Variants in CTNND1 observed in about 807,000 individuals in gnomAD.
CTNND1 encodes the protein catenin delta 1, also known as catenin delta-1.
In CTNND1, 16 loss-of-function variants were observed where a neutral mutation model predicts 112.1. The observed-to-expected ratio is 0.14, with a 90% CI of 0.10 to 0.22. CTNND1 has a LOEUF of 0.22. Ranked by LOEUF, CTNND1 falls within the 10% of genes least tolerant of loss-of-function variation. The pLI is 1.00. For missense variants in CTNND1, 1,008 were observed against 1,257.0 expected (o/e 0.80, Z 3.00); for synonymous variants, 420 against 446.5 (o/e 0.94, Z 0.75).
At chr11:57,811,376 G>T in intron 16 of CTNND1, 23 bp from the exon 17 acceptor site, 2 of 1,581,416 alleles carry the variant, frequency 1.3e-6, no homozygotes, top group Non-Finnish European at 1.7e-6. Flanking sequence ...CTGTCACATT[G>T]TCGCATTTGT....
At chr11:57,807,104 T>G in intron 12 of CTNND1, 121 bp downstream of exon 12, 2 of 812,414 alleles carry the variant, frequency 2.5e-6, no homozygotes, top group South Asian at 1.7e-5. Context: ...AACTTACAGA[T>G]TTGAAATGAT....
intron 4 of CTNND1, among the ~76,000 whole-genome samples, chr11:57,795,043 A>G (rs978508741): frequency 4.0e-5 from 6 of 151,696 alleles, no homozygotes; most frequent in Non-Finnish European, 7.4e-5. Context: ...AAAAAAATAA[A>G]ATTAGCCAGG....
At chr11:57,776,567 T>C (rs569988170) in intron 1 of CTNND1, among the ~76,000 whole-genome samples, 5 of 152,190 alleles carry the variant, frequency 3.3e-5, no homozygotes, top group African/African-American at 9.7e-5. Context: ...TTCCTACCCA[T>C]TGAGTATTCA....
rs1591507616 is a variant in CTNND1, at chr11:57,796,990, C to A, written c.954C>A (p.Leu318=). The change falls in exon 6 of 21, where the codon CTC becomes CTA. Residue 318 remains leucine (L), a splice_region_variant and synonymous_variant. Transcript: ENST00000399050. ...TGTPSDPRRR[L]RSYEDMIGEE... The stretch of plus-strand genomic sequence containing the variant: ...CACCCTCTGACCCTCGTCGGCGCCT[C>A]AGGTAGGCAAGAATAGGGGAAGAGA... 1.4e-6 allele frequency: 2 copies of A among 1,461,454 alleles called. No homozygotes were observed. Among genetic ancestry groups the A allele is most frequent in the Non-Finnish European group, 1.8e-6 (2 of 1,097,162 alleles). 90.5% of individuals were successfully genotyped at this position (1,461,454 alleles called of 1,614,324 possible).
Position 57,795,640 on chromosome 11 carries a change from A to T in CTNND1, c.331A>T (p.Thr111Ser), listed in dbSNP as rs375424851. Residue 111 changes from threonine (T) to serine (S), a missense_variant, in exon 5 of 21, where the codon ACC becomes TCC. Thr to Ser is a moderately conservative substitution (Grantham distance 58, BLOSUM62 1). Transcript: ENST00000399050. ...GCAGGAGCCGGGGCAGATTGTGGAG[A>T]CCTACACGGAGGAGGATCCTGAGGG... ...RMQEPGQIVETYTEEDPEGAM... is the reference protein window; with the variant it reads ...RMQEPGQIVESYTEEDPEGAM... 4.3e-6 allele frequency: 7 copies of T among 1,610,254 alleles called. No homozygotes were observed. The South Asian group carries it at 6.6e-5, about 15-fold the overall frequency.
chr11:57,803,863 CT>C (rs2062313341), intron 8 of CTNND1, 59 bp downstream of exon 8: 1 of 1,204,732 alleles, frequency 8.3e-7, no homozygotes, highest in South Asian at 1.8e-5. Flanking sequence ...CTTAAATTTC[CT>C]AAAAAAAAAA....
Position 57,791,524 on chromosome 11 carries a change from G to A in CTNND1, c.46G>A (p.Val16Met). 2.5e-6 allele frequency: 4 copies of A among 1,601,300 alleles called. No individual in the cohort carries two copies. The highest frequency in any genetic ancestry group is 3.4e-6 in the Non-Finnish European group (4 of 1,174,532). ...GTCGACCGCCAGCATCTTGGCCTCT[G>A]TGAAGGAACAAGAGGCCCAGTTTGA... Reference protein sequence around the residue: ...VESTASILASVKEQEAQFEKL... With the variant: ...VESTASILASMKEQEAQFEKL... Residue 16 changes from valine (V) to methionine (M), a missense_variant, in exon 3 of 21, where the codon GTG becomes ATG. By Grantham distance (21) the Val-to-Met change is conservative. Around this residue, in one of 5 missense-constraint regions of CTNND1, gnomAD observed 404 missense variants for 457.9 expected, o/e 0.88. Transcript: ENST00000399050.
At chr11:57,812,335 C>T (rs2063460171) in intron 17 of CTNND1, among the ~76,000 whole-genome samples, 1 of 152,114 alleles carries the variant, frequency 6.6e-6, no homozygotes, top group East Asian at 1.9e-4. Context: ...GCCTGGCCAA[C>T]ATGGTGAAAC....
intron 1 of CTNND1, among the ~76,000 whole-genome samples, chr11:57,773,932 G>A (rs959185410): frequency 1.3e-4 from 20 of 151,984 alleles, no homozygotes; most frequent in Non-Finnish European, 5.9e-5. Flanking sequence ...GTGAGACTCC[G>A]TCTCAAAAAA....
intron 1 of CTNND1, among the ~76,000 whole-genome samples, chr11:57,774,138 G>T (rs1953559868): frequency 6.6e-6 from 1 of 152,194 alleles, no homozygotes; most frequent in Admixed American, 6.5e-5. Context: ...CAAACCAGAA[G>T]TTAAAGTGGC....
At chr11:57,767,237 A>G (rs555645655) in intron 1 of CTNND1, among the ~76,000 whole-genome samples, 61 of 152,258 alleles carry the variant, frequency 4.0e-4, no homozygotes, top group African/African-American at 1.4e-3. Context: ...CCCAGATTAC[A>G]GTCTTGAGCC....
In CTNND1 at chr11:57,815,436, G is replaced by A. The variant is rs11570222; in HGVS notation, c.2744G>A (p.Arg915Lys). Residue 915 changes from arginine to lysine, a missense_variant, in exon 19 of 21, where the codon AGA becomes AAA. Around this residue, in one of 5 missense-constraint regions of CTNND1, gnomAD observed 106 missense variants for 116.2 expected, o/e 0.91. Coordinates refer to ENST00000399050, the MANE Select transcript of CTNND1 (RefSeq NM_001085458.2). ...STPNERGDHN[R>K]TLDRSGDLGD... ...CCAAATGAGAGAGGAGACCACAATA[G>A]AACACTGGATCGATCGGGGGATCTA... The A allele has an allele frequency of 9.0e-3, 14,512 of 1,611,510 alleles. 1,212 individuals carry two copies. The African/African-American group carries it at 0.17, about 19-fold the overall frequency.
At position 57,815,325 on chromosome 11, in the gene CTNND1, T is replaced by C. The variant is rs771434987; in HGVS notation, c.2702-69T>C. 1.0e-5 allele frequency: 9 copies of C among 882,504 alleles called. No homozygotes were observed. In the South Asian group the frequency reaches 1.6e-4, roughly 15 times the overall value. 54.7% of individuals were successfully genotyped at this position (882,504 alleles called of 1,614,324 possible). On this transcript the variant is annotated intron_variant, in intron 18 of 20. Transcript: ENST00000399050. Reference sequence around the variant, plus strand: ...CAACAGTGATGCCTAATTACACCTATCTGTTTGATATACGTTTTACACTAG... The same window carrying C: ...CAACAGTGATGCCTAATTACACCTACCTGTTTGATATACGTTTTACACTAG...
At chr11:57,765,246 T>G (rs1950769524) in intron 1 of CTNND1, among the ~76,000 whole-genome samples, 1 of 152,136 alleles carries the variant, frequency 6.6e-6, no homozygotes, top group African/African-American at 2.4e-5. Context: ...GTCTTATCTC[T>G]GTATCTTTTT....
rs774849603 is a variant in CTNND1, at chr11:57,809,285, A to G, written c.2254A>G (p.Ile752Val). Residue 752 changes from isoleucine to valine, a missense_variant, in exon 15 of 21, where the codon ATT (isoleucine) becomes GTT (valine). Ile to Val is a conservative substitution (Grantham distance 29, BLOSUM62 3). Coordinates refer to ENST00000399050, the MANE Select transcript of CTNND1 (RefSeq NM_001085458.2). Reference protein sequence around the residue: ...RNKELIGKHAIPNLVKNLPGG... With the variant: ...RNKELIGKHAVPNLVKNLPGG... ...TTCTTTCTTACTAGGTAAACATGCT[A>G]TTCCTAACTTGGTAAAGAATCTGCC... 6.2e-6 allele frequency: 10 copies of G among 1,613,214 alleles called. No individual in the cohort carries two copies. Among genetic ancestry groups the G allele is most frequent in the East Asian group, 2.2e-5 (1 of 44,886 alleles).
At chr11:57,798,209 T>C (rs996518244) in intron 6 of CTNND1, among the ~76,000 whole-genome samples, 2 of 151,558 alleles carry the variant, frequency 1.3e-5, no homozygotes, top group Non-Finnish European at 2.9e-5. Context: ...TAGCCGGGTG[T>C]TGTGGCTCGT....
In CTNND1 at chr11:57,796,525, G is replaced by A; in HGVS notation, c.489G>A (p.Leu163=). ...VQPVAMGPDG[L]PVDASSVSNN... Reference sequence around the variant, plus strand: ...CAGTCGCTATGGGACCAGACGGGTTGCCTGTGGATGCTTCATCAGTTTCTA... The same window carrying A: ...CAGTCGCTATGGGACCAGACGGGTTACCTGTGGATGCTTCATCAGTTTCTA... The change falls in exon 6 of 21, where the codon TTG becomes TTA. Residue 163 remains leucine, a synonymous_variant. Transcript: ENST00000399050. 1 of 1,614,026 alleles carries A rather than the reference G, an allele frequency of 6.2e-7. No individual in the cohort carries two copies. The highest frequency in any genetic ancestry group is 1.3e-5 in the African/African-American group (1 of 75,070).
intron 1 of CTNND1, among the ~76,000 whole-genome samples, chr11:57,765,079 C>G (rs1029219225): frequency 1.3e-5 from 2 of 152,136 alleles, no homozygotes; most frequent in African/African-American, 4.8e-5. Flanking sequence ...TTGTGTCACA[C>G]GTTGTTTATC....
At position 57,770,673 on chromosome 11, in the gene CTNND1, A is replaced by AAAAAG. The variant is rs1307902928; in HGVS notation, c.-214+8566_-214+8570dup. ...TCTCAAAAAAAATAAAAAAATAAAA[A>AAAAAG]AAAAGAAAAGAAAAGATTTTTGTTT... On this transcript the variant is annotated intron_variant, in intron 1 of 20. Coordinates refer to ENST00000399050, the MANE Select transcript of CTNND1 (RefSeq NM_001085458.2). Among the ~76,000 whole-genome samples, 31 of 152,262 alleles carry AAAAAG rather than the reference A, an allele frequency of 2.0e-4. 1 individual carries two copies. Among genetic ancestry groups the AAAAAG allele is most frequent in the African/African-American group, 7.0e-4 (29 of 41,562 alleles).
Sources: allele counts gnomAD v4.1 joint callset (sites outside exome capture counted in the v4.1 genomes callset), GRCh38; gene constraint gnomAD v4.1.1; regional missense constraint gnomAD v4.1.1; transcripts MANE v1.5; gene names NCBI Gene and HGNC (gene_info 2026-07-23, HGNC 2026-07-21).